CTNND2: variants seen among roughly 807,000 people sequenced by gnomAD.
CTNND2 encodes the protein catenin delta-2.
CTNND2 carries 22 observed loss-of-function variants against 144.4 expected under a neutral mutation model. The ratio of observed to expected loss-of-function variants is 0.15; its 90% confidence interval spans 0.11 to 0.22. CTNND2 has a LOEUF of 0.22. CTNND2 is among the 10% of genes least tolerant of loss of function. The pLI is 1.00. For synonymous variants in CTNND2, 751 were observed against 695.6 expected, an observed-to-expected ratio of 1.08 and a Z score of -1.25; for missense variants, 1,353 against 1,618.8, an observed-to-expected ratio of 0.84 and a Z score of 2.82.
chr5:10,977,891 C>T (rs1413922094), intron 21 of CTNND2, among the ~76,000 whole-genome samples: 1 of 152,196 alleles, frequency 6.6e-6, no homozygotes, highest in African/African-American at 2.4e-5. Context: ...GCCTGAGTCC[C>T]AGGTCACAGG....
chr5:11,853,820 C>T (rs1484117270), intron 1 of CTNND2, among the ~76,000 whole-genome samples: 2 of 152,216 alleles, frequency 1.3e-5, no homozygotes, highest in African/African-American at 2.4e-5. Context: ...ATAGGTACAG[C>T]GTTTAGTCAC....
At chr5:11,021,759 T>C (rs934555269) in intron 17 of CTNND2, among the ~76,000 whole-genome samples, 18 of 150,118 alleles carry the variant, frequency 1.2e-4, no homozygotes, top group Non-Finnish European at 2.5e-4. Flanking sequence ...TCAAAGTGCG[T>C]CCCTCAAAGT....
chr5:11,200,673 CTTTT>C (rs961112092), intron 10 of CTNND2, among the ~76,000 whole-genome samples: 8 of 152,006 alleles, frequency 5.3e-5, no homozygotes, highest in African/African-American at 1.7e-4. Context: ...CTCTTTCTTT[CTTTT>C]CTTTTTTCTT....
chr5:11,327,806 G>C (rs1240173232), intron 9 of CTNND2, among the ~76,000 whole-genome samples: 2 of 152,150 alleles, frequency 1.3e-5, no homozygotes, highest in Non-Finnish European at 2.9e-5. Flanking sequence ...TGCAGATTCT[G>C]ATGTAGTAAA....
intron 3 of CTNND2, among the ~76,000 whole-genome samples, chr5:11,543,455 C>T (rs1324883698): frequency 6.6e-6 from 1 of 152,130 alleles, no homozygotes; most frequent in Non-Finnish European, 1.5e-5. Context: ...ACTAGATAGT[C>T]TGATGGTTTC....
intron 1 of CTNND2, among the ~76,000 whole-genome samples, chr5:11,778,530 T>C (rs1036727099): frequency 5.9e-5 from 9 of 152,110 alleles, no homozygotes; most frequent in African/African-American, 2.2e-4. Context: ...AAACCTATAA[T>C]CTCAATTGAA....
chr5:11,365,397 CT>C (rs1379760967), intron 7 of CTNND2, among the ~76,000 whole-genome samples: 1 of 152,160 alleles, frequency 6.6e-6, no homozygotes, highest in Non-Finnish European at 1.5e-5. Flanking sequence ...AATGTTTGAA[CT>C]TACAACAGCC....
chr5:11,536,621 A>T (rs1774237702), intron 3 of CTNND2, among the ~76,000 whole-genome samples: 1 of 152,210 alleles, frequency 6.6e-6, no homozygotes, highest in South Asian at 2.1e-4. Flanking sequence ...GAAGTAACTC[A>T]GGAATGGAAA....
chr5:11,715,844 AAAC>A (rs1456931063), intron 2 of CTNND2, among the ~76,000 whole-genome samples: 1 of 152,240 alleles, frequency 6.6e-6, no homozygotes, highest in Non-Finnish European at 1.5e-5. Context: ...AAACAAAATC[AAAC>A]AACAAAAAAT....
At chr5:11,132,086 C>T (rs1403395849) in intron 12 of CTNND2, among the ~76,000 whole-genome samples, 1 of 152,212 alleles carries the variant, frequency 6.6e-6, no homozygotes, top group Non-Finnish European at 1.5e-5. Context: ...CATATACTCT[C>T]ACATACTCTT....
chr5:11,339,962 TC>T (rs1228543239), intron 9 of CTNND2, among the ~76,000 whole-genome samples: 1 of 152,170 alleles, frequency 6.6e-6, no homozygotes, highest in East Asian at 1.9e-4. Flanking sequence ...GTTAAACAAA[TC>T]CACATATTGG....
At chr5:11,380,106 A>G (rs1242624787) in intron 7 of CTNND2, among the ~76,000 whole-genome samples, 1 of 152,164 alleles carries the variant, frequency 6.6e-6, no homozygotes, top group Non-Finnish European at 1.5e-5. Flanking sequence ...CCACTGTAAG[A>G]TGCTCCGCTA....
intron 9 of CTNND2, among the ~76,000 whole-genome samples, chr5:11,292,396 T>C (rs757698774): frequency 6.6e-5 from 10 of 152,098 alleles, no homozygotes; most frequent in Non-Finnish European, 1.0e-4. Flanking sequence ...CAGATATTGA[T>C]ATGGTTTGGC....
intron 10 of CTNND2, among the ~76,000 whole-genome samples, chr5:11,212,061 A>AT (rs35638633): frequency 9.2e-5 from 14 of 151,690 alleles, no homozygotes; most frequent in East Asian, 3.9e-4. Context: ...TTATGCACAT[A>AT]TTTTTTTTTC....
chr5:11,517,887 T>C (rs1772323283), intron 3 of CTNND2, among the ~76,000 whole-genome samples: 2 of 152,232 alleles, frequency 1.3e-5, no homozygotes, highest in African/African-American at 4.8e-5. Flanking sequence ...TGCAGTATTA[T>C]TAACTATAGT....
At chr5:11,703,894 A>C (rs79140107) in intron 2 of CTNND2, among the ~76,000 whole-genome samples, 2 of 152,366 alleles carry the variant, frequency 1.3e-5, no homozygotes, top group East Asian at 3.9e-4. Context: ...GAAGGTGCAA[A>C]GGAATATTAT....
At chr5:11,073,217 C>T (rs982528528) in intron 16 of CTNND2, among the ~76,000 whole-genome samples, 2 of 152,230 alleles carry the variant, frequency 1.3e-5, no homozygotes, top group African/African-American at 2.4e-5. Flanking sequence ...GCAGTCCACA[C>T]ATAGAAGGGA....
In CTNND2 at chr5:11,199,529, G is replaced by A. The variant is rs778244528; in HGVS notation, c.1894C>T (p.Leu632=). Residue 632 remains leucine (L), a synonymous_variant, in exon 11 of 22, where the codon CTG becomes TTG. Transcript: ENST00000304623. Reference sequence around the variant, plus strand: ...GCTGGGATGCCACCACAGTTTTTCAGGGCAATTTTGTTATCATCGTTGGCC... The same window carrying A: ...GCTGGGATGCCACCACAGTTTTTCAAGGCAATTTTGTTATCATCGTTGGCC... ...GKANDDNKIA[L]KNCGGIPALV... The A allele has an allele frequency of 5.6e-6, 9 of 1,614,152 alleles. No individual in the cohort carries two copies. The highest frequency in any genetic ancestry group is 5.1e-6 in the Non-Finnish European group (6 of 1,180,026).
At chr5:11,019,410 T>C (rs1741992471) in intron 17 of CTNND2, among the ~76,000 whole-genome samples, 1 of 152,218 alleles carries the variant, frequency 6.6e-6, no homozygotes, top group Admixed American at 6.5e-5. Context: ...CAGGTCGTGA[T>C]AGTGTAGTTG....
Sources: allele counts gnomAD v4.1 joint callset (sites outside exome capture counted in the v4.1 genomes callset), GRCh38; gene constraint gnomAD v4.1.1; transcripts MANE v1.5; gene names NCBI Gene and HGNC (gene_info 2026-07-23, HGNC 2026-07-21).